Variants in SETBP1 observed in about 807,000 individuals in gnomAD.
SETBP1 encodes SET-binding protein.
Under a neutral mutation model 101.0 loss-of-function variants are expected in SETBP1, and 9 were observed. The ratio of observed to expected loss-of-function variants is 0.09; its 90% CI spans 0.05 to 0.16. SETBP1 has a LOEUF of 0.16. SETBP1 is among the 10% of genes least tolerant of loss of function. SETBP1 has a pLI of 1.00. For missense variants in SETBP1, 1,858 were observed against 2,033.8 expected (o/e 0.91, Z 1.66); for synonymous variants, 818 against 788.5 (o/e 1.04, Z -0.63).
intron 3 of SETBP1, among the ~76,000 whole-genome samples, chr18:44,949,249 A>G (rs906787938): frequency 6.6e-6 from 1 of 152,104 alleles, no homozygotes; most frequent in Non-Finnish European, 1.5e-5. Flanking sequence ...TCTCTCCTTA[A>G]TTCCTCAACC....
At chr18:45,049,818 G>A (rs1169090935) in intron 5 of SETBP1, among the ~76,000 whole-genome samples, 1 of 152,086 alleles carries the variant, frequency 6.6e-6, no homozygotes, top group African/African-American at 2.4e-5. Flanking sequence ...GAATTTAGGG[G>A]GTTGGAAAAG....
chr18:44,746,965 A>G (rs1223536025), intron 2 of SETBP1, among the ~76,000 whole-genome samples: 2 of 152,234 alleles, frequency 1.3e-5, no homozygotes, highest in East Asian at 3.8e-4. Flanking sequence ...CCTAAGTTAT[A>G]TTGAACCAGC....
chr18:44,754,614 A>G (rs2070454341), intron 2 of SETBP1, among the ~76,000 whole-genome samples: 1 of 152,204 alleles, frequency 6.6e-6, no homozygotes, highest in Admixed American at 6.5e-5. Flanking sequence ...AATAAGTACC[A>G]CATACTCATA....
rs1319879912 is a variant in SETBP1, at chr18:44,950,977, C to G, written c.1637C>G (p.Ala546Gly). The G allele has an allele frequency of 6.2e-7, 1 of 1,614,092 alleles. No individual in the cohort carries two copies. The highest frequency in any genetic ancestry group is 1.1e-5 in the South Asian group (1 of 91,080). The part of the protein sequence containing the change: ...KPKPSTMLRE[A>G]VMATSDKLML... ...AAACCTAGCACCATGCTTCGAGAGG[C>G]AGTTATGGCCACCTCTGATAAACTG... Residue 546 changes from alanine (A) to glycine (G), a missense_variant, in exon 4 of 6, where the codon GCA (alanine) becomes GGA (glycine). Transcript: ENST00000649279.
intron 4 of SETBP1, among the ~76,000 whole-genome samples, chr18:44,973,482 G>A (rs1474654792): frequency 6.6e-6 from 1 of 152,162 alleles, no homozygotes; most frequent in Non-Finnish European, 1.5e-5. Flanking sequence ...TCTGGAGGCT[G>A]CCATTCCAAG....
intron 5 of SETBP1, among the ~76,000 whole-genome samples, chr18:45,051,974 AAC>A (rs1178025705): frequency 6.6e-6 from 1 of 152,226 alleles, no homozygotes; most frequent in Non-Finnish European, 1.5e-5. Flanking sequence ...TCATGCCTCA[AAC>A]ACAGACTTTA....
intron 4 of SETBP1, among the ~76,000 whole-genome samples, chr18:45,032,118 A>T (rs2073309411): frequency 6.6e-6 from 1 of 151,844 alleles, no homozygotes; most frequent in Non-Finnish European, 1.5e-5. Context: ...TGGATGGTTG[A>T]CTCTGTTCGG....
intron 4 of SETBP1, among the ~76,000 whole-genome samples, chr18:45,013,492 T>C (rs1431861995): frequency 6.6e-6 from 1 of 151,902 alleles, no homozygotes; most frequent in Non-Finnish European, 1.5e-5. Flanking sequence ...CAGGCTGGAG[T>C]GCAGTGGTGT....
At chr18:45,055,019 T>G (rs1465631235) in intron 5 of SETBP1, among the ~76,000 whole-genome samples, 1 of 152,212 alleles carries the variant, frequency 6.6e-6, no homozygotes, top group Non-Finnish European at 1.5e-5. Context: ...TCTCCAGGAT[T>G]TGGGCTCTAG....
intron 2 of SETBP1, among the ~76,000 whole-genome samples, chr18:44,853,157 A>C (rs1157303053): frequency 6.6e-6 from 1 of 152,222 alleles, no homozygotes; most frequent in Admixed American, 6.5e-5. Context: ...CTTTGCCCTA[A>C]GCCCAGGAAG....
intron 2 of SETBP1, among the ~76,000 whole-genome samples, chr18:44,843,163 A>C (rs956284995): frequency 5.3e-5 from 8 of 152,328 alleles, no homozygotes; most frequent in Admixed American, 5.2e-4. Flanking sequence ...GATGATGAGC[A>C]GACAGCTCCC....
intron 4 of SETBP1, among the ~76,000 whole-genome samples, chr18:45,023,860 G>T (rs1253889015): frequency 6.6e-6 from 1 of 152,148 alleles, no homozygotes; most frequent in African/African-American, 2.4e-5. Flanking sequence ...GCCCTCTGAG[G>T]TAGGAGGTTT....
intron 2 of SETBP1, among the ~76,000 whole-genome samples, chr18:44,815,207 T>C (rs2071949352): frequency 6.6e-6 from 1 of 152,206 alleles, no homozygotes; most frequent in Non-Finnish European, 1.5e-5. Flanking sequence ...GAGGAAAGTA[T>C]TGTTCCCACC....
chr18:45,016,285 TAGG>T (rs996233301), intron 4 of SETBP1, among the ~76,000 whole-genome samples: 130 of 152,228 alleles, frequency 8.5e-4, no homozygotes, highest in African/African-American at 2.9e-3. Context: ...CCACAGCGTC[TAGG>T]AGAACAGCAG....
rs762630306 is a variant in SETBP1 at position 44,950,331 on chromosome 18, G to A, written c.991G>A (p.Val331Met). The A allele has an allele frequency of 6.2e-7, 1 of 1,614,068 alleles. No homozygotes were observed. Among genetic ancestry groups the A allele is most frequent in the Non-Finnish European group, 8.5e-7 (1 of 1,180,040 alleles). The stretch of plus-strand genomic sequence containing the variant: ...AAAGGAGCCCCCAGAACCACCTACG[G>A]TGGGCAGCAAGAAAAAGTCCAGTAA... ...GTKEPPEPPT[V>M]GSKKKSSKKD... Residue 331 changes from valine to methionine, a missense_variant, in exon 4 of 6, where the codon GTG (valine) becomes ATG (methionine). Physicochemically the swap from Val to Met is conservative, Grantham distance 21. Around this residue, in one of 12 missense-constraint regions of SETBP1, gnomAD observed 581 missense variants for 535.1 expected, o/e 1.09. Transcript: ENST00000649279.
In SETBP1 at chr18:44,955,231, G is replaced by A. The variant is rs60694440; in HGVS notation, c.4000+1891G>A. The stretch of plus-strand genomic sequence containing the variant: ...CCACTCTAGTTATATTGCTTTTCAT[G>A]TGCTTGCATTTATATCGCATTCATC... On this transcript the variant is annotated intron_variant, in intron 4 of 5. Coordinates refer to ENST00000649279, the MANE Select transcript of SETBP1 (RefSeq NM_015559.3). 1.7e-3 allele frequency among the ~76,000 whole-genome samples: 252 copies of A among 152,280 alleles called. 3 individuals are homozygous for A. The highest frequency in any genetic ancestry group is 5.9e-3 in the African/African-American group (245 of 41,558).
At chr18:44,984,291 G>A (rs900578661) in intron 4 of SETBP1, among the ~76,000 whole-genome samples, 4 of 152,214 alleles carry the variant, frequency 2.6e-5, no homozygotes, top group Admixed American at 1.3e-4. Context: ...GACAGGCAGG[G>A]CAGGGGAGTG....
chr18:44,863,344 CCACTGGGTAAG>C (rs1167015000), intron 2 of SETBP1, among the ~76,000 whole-genome samples: 1 of 152,232 alleles, frequency 6.6e-6, no homozygotes, highest in African/African-American at 2.4e-5. Flanking sequence ...TTCTGATTCT[CCACTGGGTAAG>C]TCACTTTATC....
intron 2 of SETBP1, among the ~76,000 whole-genome samples, chr18:44,778,012 A>G (rs1412854283): frequency 6.6e-6 from 1 of 152,150 alleles, no homozygotes; most frequent in East Asian, 1.9e-4. Context: ...GGGCATGAAA[A>G]TCAAGCTTCT....
Sources: gnomAD v4.1 joint callset for allele counts (sites outside exome capture counted in the v4.1 genomes callset) on GRCh38, gnomAD v4.1.1 for gene constraint, gnomAD v4.1.1 regional missense constraint, MANE v1.5 for transcripts, NCBI Gene and HGNC (gene_info 2026-07-23, HGNC 2026-07-21) for gene names.